Variants in QRFPR observed in about 807,000 individuals in gnomAD.
QRFPR encodes pyroglutamylated RFamide peptide receptor.
Under a neutral mutation model 31.3 loss-of-function variants are expected in QRFPR, and 37 were observed. The ratio of observed to expected loss-of-function variants is 1.18; its 90% CI spans 0.91 to 1.56. The LOEUF is 1.56. Ranked by LOEUF, QRFPR falls within the 40% of genes most tolerant of loss-of-function variation. The probability of loss-of-function intolerance (pLI) is 0.00; values close to 1 mark genes in which losing one functional copy is unlikely to be tolerated. For synonymous variants in QRFPR, 197 were observed against 192.0 expected, an observed-to-expected ratio of 1.03 and a Z score of -0.22; for missense variants, 542 against 532.5, an observed-to-expected ratio of 1.02 and a Z score of -0.18.
At chr4:121,364,183 A>G (rs1419919428) in intron 1 of QRFPR, among the ~76,000 whole-genome samples, 2 of 149,760 alleles carry the variant, frequency 1.3e-5, no homozygotes, top group Non-Finnish European at 3.0e-5. Context: ...TCATGCCTAC[A>G]GTCCAGGGTG....
At chr4:121,349,862 T>G (rs1725731050) in intron 1 of QRFPR, among the ~76,000 whole-genome samples, 1 of 152,188 alleles carries the variant, frequency 6.6e-6, no homozygotes, top group Non-Finnish European at 1.5e-5. Flanking sequence ...TGGTACGTCA[T>G]AAATATTTTT....
chr4:121,341,376 T>C (rs1725540714), intron 1 of QRFPR, among the ~76,000 whole-genome samples: 1 of 152,190 alleles, frequency 6.6e-6, no homozygotes, highest in Non-Finnish European at 1.5e-5. Context: ...ACTCAGGGAA[T>C]GTGAAGTTGG....
intron 1 of QRFPR, among the ~76,000 whole-genome samples, chr4:121,358,808 TA>T (rs1440756916): frequency 6.6e-6 from 1 of 152,232 alleles, no homozygotes; most frequent in Non-Finnish European, 1.5e-5. Flanking sequence ...TTCTAAGTTA[TA>T]AAACTAATTT....
rs1014600411 is a variant in QRFPR, at chr4:121,364,788, TG to T, written c.340+15519del. On this transcript the variant is annotated intron_variant, in intron 1 of 5. Transcript: ENST00000394427. ...GCCTGGTCTTTCTGGAGTACTAGGA[TG>T]TATTCAGCCTACAAGAGTAAAGGGA... is the stretch of plus-strand genomic sequence containing the variant. Among the ~76,000 whole-genome samples the T allele has an allele frequency of 2.7e-5, 4 of 150,172 alleles. 1 individual carries two copies. Among genetic ancestry groups the T allele is most frequent in the Non-Finnish European group, 5.9e-5 (4 of 67,606 alleles).
chr4:121,364,973 T>C (rs928492865), intron 1 of QRFPR, among the ~76,000 whole-genome samples: 4 of 149,942 alleles, frequency 2.7e-5, no homozygotes, highest in Non-Finnish European at 5.9e-5. Flanking sequence ...AGGAATTCTT[T>C]ATGCTGAGCT....
At chr4:121,338,509 C>T (rs1007503612) in intron 2 of QRFPR, among the ~76,000 whole-genome samples, 4 of 152,072 alleles carry the variant, frequency 2.6e-5, no homozygotes, top group Non-Finnish European at 4.4e-5. Context: ...GATTTTTTTG[C>T]GATATATTTT....
At chr4:121,348,321 G>A (rs1437585709) in intron 1 of QRFPR, among the ~76,000 whole-genome samples, 1 of 152,114 alleles carries the variant, frequency 6.6e-6, no homozygotes, top group Non-Finnish European at 1.5e-5. Flanking sequence ...AAATGCATTA[G>A]CTATTCTTAT....
chr4:121,375,638 A>G (rs1026175313), intron 1 of QRFPR, among the ~76,000 whole-genome samples: 7 of 152,210 alleles, frequency 4.6e-5, no homozygotes, highest in Admixed American at 3.9e-4. Context: ...TATTGATTAG[A>G]TACTATTTCA....
chr4:121,338,739 C>T (rs994917810), intron 2 of QRFPR, among the ~76,000 whole-genome samples: 1 of 152,228 alleles, frequency 6.6e-6, no homozygotes, highest in African/African-American at 2.4e-5. Flanking sequence ...GACCACAGTT[C>T]ACAAAAGCCC....
chr4:121,373,483 T>A (rs1042592574), intron 1 of QRFPR, among the ~76,000 whole-genome samples: 2 of 152,236 alleles, frequency 1.3e-5, no homozygotes, highest in African/African-American at 4.8e-5. Context: ...ACATCTTTTT[T>A]AATACTTCCT....
At chr4:121,352,206 G>GA in intron 1 of QRFPR, among the ~76,000 whole-genome samples, 1 of 152,154 alleles carries the variant, frequency 6.6e-6, no homozygotes, top group Admixed American at 6.5e-5. Context: ...AACAACAAGG[G>GA]AAATGTATTA....
At chr4:121,341,717 A>G (rs907382442) in intron 1 of QRFPR, among the ~76,000 whole-genome samples, 1 of 151,512 alleles carries the variant, frequency 6.6e-6, no homozygotes, top group African/African-American at 2.4e-5. Flanking sequence ...CTTCGGTCTC[A>G]TTGCCAAGAT....
rs770065327 is a variant in QRFPR at position 121,380,614 on chromosome 4, A to G, written c.34T>C (p.Ser12Pro). The G allele has an allele frequency of 5.6e-6, 9 of 1,598,324 alleles. No homozygotes were observed. The Admixed American group carries it at 1.4e-4, about 24-fold the overall frequency. ...AGGTTGTGGTCCCGCAGCAGCCGAG[A>G]GAACTGCTCCGGGGTAATGTTAAGC... ...QALNITPEQF[S>P]RLLRDHNLTR... is the part of the protein sequence containing the mutation. Residue 12 changes from serine to proline, a missense_variant, in exon 1 of 6, where the codon TCT becomes CCT. Ser to Pro is a moderately conservative substitution (Grantham distance 74, BLOSUM62 -1). Transcript: ENST00000394427.
chr4:121,338,296 A>G (rs1305684518), intron 2 of QRFPR, among the ~76,000 whole-genome samples: 1 of 152,088 alleles, frequency 6.6e-6, no homozygotes, highest in African/African-American at 2.4e-5. Flanking sequence ...TCTAATTTTC[A>G]TAGCTCATTG....
chr4:121,338,620 C>T (rs979167704), intron 2 of QRFPR, among the ~76,000 whole-genome samples: 4 of 152,168 alleles, frequency 2.6e-5, no homozygotes, highest in Admixed American at 6.5e-5. Context: ...GATTTGACAT[C>T]CCCTGTCTAG....
At chr4:121,340,664 T>G (rs1000001113) in intron 1 of QRFPR, 54 bp from the exon 2 acceptor site, 1 of 1,530,744 alleles carries the variant, frequency 6.5e-7, no homozygotes, top group Non-Finnish European at 8.9e-7. Flanking sequence ...AATAAAGGTT[T>G]CATCTGTGTC....
At chr4:121,359,729 GTATA>G (rs897105528) in intron 1 of QRFPR, among the ~76,000 whole-genome samples, 3 of 150,556 alleles carry the variant, frequency 2.0e-5, no homozygotes, top group Non-Finnish European at 4.4e-5. Flanking sequence ...ATATGTGTGT[GTATA>G]TATATATTTG....
chr4:121,364,639 TA>T (rs35353604), intron 1 of QRFPR, among the ~76,000 whole-genome samples: 37 of 139,384 alleles, frequency 2.7e-4, no homozygotes, highest in Admixed American at 1.2e-3. Flanking sequence ...GACTCCATCT[TA>T]AAAAAAAAAA....
intron 1 of QRFPR, among the ~76,000 whole-genome samples, chr4:121,353,651 C>G (rs1407368623): frequency 6.6e-6 from 1 of 151,940 alleles, no homozygotes; most frequent in Non-Finnish European, 1.5e-5. Flanking sequence ...TATTTCCTCC[C>G]ATTTGTGGGT....
Sources: gnomAD v4.1 joint callset for allele counts (sites outside exome capture counted in the v4.1 genomes callset) on GRCh38, gnomAD v4.1.1 for gene constraint, MANE v1.5 for transcripts, NCBI Gene and HGNC (gene_info 2026-07-23, HGNC 2026-07-21) for gene names.